The following TRIM11 variants were observed in gnomAD, a reference collection of about 807,000 sequenced individuals.
TRIM11 encodes tripartite motif containing 11.
A neutral mutation model predicts 33.4 loss-of-function variants in TRIM11; 15 were observed. The observed-to-expected ratio is 0.45, with a 90% confidence interval of 0.30 to 0.69. The LOEUF (loss-of-function observed/expected upper bound fraction) is 0.69. Among genes scored for constraint, TRIM11 ranks in the 30% least tolerant of loss-of-function variants. The pLI, the probability that TRIM11 is intolerant of heterozygous loss-of-function variation, is 0.08. For synonymous variants in TRIM11, 281 were observed against 302.6 expected (o/e 0.93, Z 0.74); for missense variants, 499 against 667.6 (o/e 0.75, Z 2.78).
At position 228,406,130 on chromosome 1, in the gene TRIM11, C is replaced by T. The variant is rs1656406416; in HGVS notation, c.408+24G>A. The T allele has an allele frequency of 5.9e-6, 8 of 1,355,214 alleles. No individual in the cohort carries two copies. The highest frequency in any genetic ancestry group is 7.5e-6 in the Non-Finnish European group (8 of 1,059,980). 83.9% of individuals were successfully genotyped at this position (1,355,214 alleles called of 1,614,324 possible). A position where few individuals can be genotyped will look rare whatever the true frequency, so the allele number is the denominator to read the frequency against. ...AGTCCCCGGCTCCCCGACGCCCCTG[C>T]ACGCCACCCCCGCCCAGGAGCACCT... is the stretch of plus-strand genomic sequence containing the variant. On this transcript the variant is annotated intron_variant, in intron 1 of 5. Coordinates refer to ENST00000284551, the MANE Select transcript of TRIM11 (RefSeq NM_145214.3). This position sits in a 1 kb window ranked among gnomAD's most constrained non-coding sequence, Gnocchi z 8.2.
At chr1:228,405,216 C>T (rs1241493720) in intron 1 of TRIM11, 1 of 152,378 alleles carries the variant, frequency 6.6e-6, no homozygotes, top group Admixed American at 6.5e-5. Flanking sequence ...TCTAAACCAC[C>T]TTTCTGCTAA....
chr1:228,406,022 T>C lies in TRIM11; in HGVS notation c.408+132A>G. On this transcript the variant is annotated intron_variant, in intron 1 of 5. Coordinates refer to ENST00000284551, the MANE Select transcript of TRIM11 (RefSeq NM_145214.3). The surrounding 1 kb of genome is among the most constrained non-coding windows in gnomAD (Gnocchi z 8.2). ...CCCCCCTCACAGGCCCACAGCAGGC[T>C]GCATCCTGAGCTCCCCGCCCTAGAC... The C allele has an allele frequency of 9.3e-7, 1 of 1,070,328 alleles. No individual in the cohort carries two copies. Among genetic ancestry groups the C allele is most frequent in the South Asian group, 2.7e-5 (1 of 37,018 alleles). 66.3% of individuals were successfully genotyped at this position (1,070,328 alleles called of 1,614,324 possible).
rs756897712 is a variant in TRIM11 at position 228,400,693 on chromosome 1, T to C, written c.735+271A>G. Among the ~76,000 whole-genome samples, 3 of 152,180 alleles carry C rather than the reference T, an allele frequency of 2.0e-5. No homozygotes were observed. The highest frequency in any genetic ancestry group is 2.1e-4 in the South Asian group (1 of 4,834). ...CAGTCAGGACGAGATGGAGTGACCT[T>C]ATGTAATCACTTAAGAAACATCAAC... On this transcript the variant is annotated intron_variant, in intron 3 of 5. Coordinates refer to ENST00000284551, the MANE Select transcript of TRIM11 (RefSeq NM_145214.3). This position sits in a 1 kb window ranked among gnomAD's most constrained non-coding sequence, Gnocchi z 4.5.
At position 228,402,532 on chromosome 1, in the gene TRIM11, T is replaced by A. The variant is rs60712895; in HGVS notation, c.409-371A>T. The A allele has an allele frequency of 2.3e-5, 4 of 172,158 alleles. No homozygotes were observed. The East Asian group carries it at 7.1e-4, about 31-fold the overall frequency. The allele number at this position is 172,158 out of a possible 1,614,324, so 10.7% of individuals were successfully genotyped here. On this transcript the variant is annotated intron_variant, in intron 1 of 5. Transcript: ENST00000284551. Reference sequence around the variant, plus strand: ...CTGAGCTCTCCTGTTCCCAAGCCAGTGTCTACTCCTCCTCCTCTTCCTTCT... The same window carrying A: ...CTGAGCTCTCCTGTTCCCAAGCCAGAGTCTACTCCTCCTCCTCTTCCTTCT...
rs1322292118 is a variant in TRIM11, at chr1:228,401,159, A to T, written c.540T>A (p.Gly180=). 1 of 1,613,266 alleles carries T rather than the reference A, an allele frequency of 6.2e-7. No homozygotes were observed. The change falls in exon 3 of 6, where the codon GGT becomes GGA. Residue 180 remains glycine, a synonymous_variant. Coordinates refer to ENST00000284551, the MANE Select transcript of TRIM11 (RefSeq NM_145214.3). This position sits in a 1 kb window ranked among gnomAD's most constrained non-coding sequence, Gnocchi z 6.1. ...GCAAACGGCGAAGACGCTCGAACTC[A>T]CCCAGCACGTTCTGCCGCTGGCTCT... ...MVESQRQNVL[G]EFERLRRLLA... is the part of the protein sequence containing the mutation.
chr1:228,397,947 G>A (rs1207254090), intron 3 of TRIM11, among the ~76,000 whole-genome samples: 2 of 152,162 alleles, frequency 1.3e-5, no homozygotes, highest in East Asian at 1.9e-4. Context: ...AGGCCTCAGG[G>A]GGAACCAGCT....
Position 228,401,040 on chromosome 1 carries a change from T to C in TRIM11, c.659A>G (p.Gln220Arg). Residue 220 changes from glutamine (Q) to arginine (R), a missense_variant, in exon 3 of 6, where the codon CAG becomes CGG. Gln to Arg is a conservative substitution (Grantham distance 43, BLOSUM62 1). Coordinates refer to ENST00000284551, the MANE Select transcript of TRIM11 (RefSeq NM_145214.3). The surrounding 1 kb of genome is among the most constrained non-coding windows in gnomAD (Gnocchi z 6.1). ...RLREGAAHLG[Q>R]QSAHLAELIA... ...GAGCTCAGCTAGGTGGGCGCTCTGC[T>C]GGCCTAGGTGGGCTGCGCCCTCCCG... The C allele has an allele frequency of 6.2e-7, 1 of 1,611,868 alleles. No individual in the cohort carries two copies.
intron 1 of TRIM11, 99 bp from the exon 2 acceptor site, chr1:228,402,260 G>T: frequency 1.2e-6 from 1 of 835,092 alleles, no homozygotes; most frequent in Non-Finnish European, 1.8e-6. Flanking sequence ...AGACAATGGG[G>T]ACAAACTGAA....
chr1:228,394,789 G>T lies in TRIM11; in HGVS notation c.1323C>A (p.Leu441=), dbSNP rs750893271. The change falls in exon 6 of 6, where the codon CTC becomes CTA. Residue 441 remains leucine (L), a synonymous_variant. Coordinates refer to ENST00000284551, the MANE Select transcript of TRIM11 (RefSeq NM_145214.3). This position sits in a 1 kb window ranked among gnomAD's most constrained non-coding sequence, Gnocchi z 6.2. ...EIPFSGTLRP[L]FSPLSSSPTP... is the part of the protein sequence containing the mutation. Reference sequence around the variant, plus strand: ...TCGGGCTGCTGGACAGGGGTGAGAAGAGGGGCCGCAGCGTCCCCGAGAAGG... The same window carrying T: ...TCGGGCTGCTGGACAGGGGTGAGAATAGGGGCCGCAGCGTCCCCGAGAAGG... 1.9e-6 allele frequency: 3 copies of T among 1,614,086 alleles called. No homozygotes were observed. Among genetic ancestry groups the T allele is most frequent in the Non-Finnish European group, 2.5e-6 (3 of 1,179,984 alleles).
chr1:228,406,024 C>CA lies in TRIM11; in HGVS notation c.408+129dup, dbSNP rs1558449747. 2 of 1,089,922 alleles carry CA rather than the reference C, an allele frequency of 1.8e-6. No homozygotes were observed. The allele number at this position is 1,089,922 out of a possible 1,614,324, so 67.5% of individuals were successfully genotyped here. A position where few individuals can be genotyped will look rare whatever the true frequency, so the allele number is the denominator to read the frequency against. On this transcript the variant is annotated intron_variant, in intron 1 of 5. Coordinates refer to ENST00000284551, the MANE Select transcript of TRIM11 (RefSeq NM_145214.3). This position sits in a 1 kb window ranked among gnomAD's most constrained non-coding sequence, Gnocchi z 8.2. The stretch of plus-strand genomic sequence containing the variant: ...CCCCTCACAGGCCCACAGCAGGCTG[C>CA]ATCCTGAGCTCCCCGCCCTAGACAG...
chr1:228,402,943 T>C (rs908802862), intron 1 of TRIM11: 23 of 152,140 alleles, frequency 1.5e-4, no homozygotes, highest in African/African-American at 5.6e-4. Context: ...CGGACAGACA[T>C]GCCTGGCTAC....
rs371709398 is a variant in TRIM11 at position 228,401,156 on chromosome 1, C to A, written c.543G>T (p.Glu181Asp). ...CCAGCAAACGGCGAAGACGCTCGAA[C>A]TCACCCAGCACGTTCTGCCGCTGGC... ...VESQRQNVLG[E>D]FERLRRLLAE... Residue 181 changes from glutamate to aspartate, a missense_variant, in exon 3 of 6, where the codon GAG becomes GAT. Glu to Asp is a conservative substitution (Grantham distance 45). Coordinates refer to ENST00000284551, the MANE Select transcript of TRIM11 (RefSeq NM_145214.3). This position sits in a 1 kb window ranked among gnomAD's most constrained non-coding sequence, Gnocchi z 6.1. 6.2e-7 allele frequency: 1 copy of A among 1,613,462 alleles called. No homozygotes were observed. Among genetic ancestry groups the A allele is most frequent in the Non-Finnish European group, 8.5e-7 (1 of 1,179,924 alleles).
intron 1 of TRIM11, chr1:228,402,691 G>A (rs1402555106): frequency 6.6e-6 from 1 of 152,640 alleles, no homozygotes; most frequent in African/African-American, 2.4e-5. Context: ...GGGGCTTTGG[G>A]AGGTGACTAG....
rs774220644 is a variant in TRIM11 at position 228,401,226 on chromosome 1, C to T, written c.505-32G>A. ...AGCCCAGGGAGAAGGACAGCTGAGG[C>T]CAGACCCCAGGCCCAGCCAGACCCC... On this transcript the variant is annotated intron_variant, in intron 2 of 5. Coordinates refer to ENST00000284551, the MANE Select transcript of TRIM11 (RefSeq NM_145214.3). The surrounding 1 kb of genome is among the most constrained non-coding windows in gnomAD (Gnocchi z 6.1). 32 of 1,599,782 alleles carry T rather than the reference C, an allele frequency of 2.0e-5. No homozygotes were observed. The South Asian group carries it at 3.5e-4, about 17-fold the overall frequency.
chr1:228,400,896 T>C lies in TRIM11; in HGVS notation c.735+68A>G. On this transcript the variant is annotated intron_variant, in intron 3 of 5. Transcript: ENST00000284551. The surrounding 1 kb of genome is among the most constrained non-coding windows in gnomAD (Gnocchi z 4.5). ...TGCCCCTGCTTCTTGCACTTTCTGG[T>C]TCTCCCTCCCCCAGTGTGGCCAGGC... 1 of 1,439,500 alleles carries C rather than the reference T, an allele frequency of 6.9e-7. No homozygotes were observed. The highest frequency in any genetic ancestry group is 9.1e-7 in the Non-Finnish European group (1 of 1,099,424). The allele number at this position is 1,439,500 out of a possible 1,614,324, so 89.2% of individuals were successfully genotyped here. A position where few individuals can be genotyped will look rare whatever the true frequency, so the allele number is the denominator to read the frequency against.
At chr1:228,402,368 C>T in intron 1 of TRIM11, 1 of 482,322 alleles carries the variant, frequency 2.1e-6, no homozygotes, top group Non-Finnish European at 3.7e-6. Flanking sequence ...GCCCCAGCCA[C>T]ATTCTTTCCT....
rs1251446702 is a variant in TRIM11 at position 228,406,814 on chromosome 1, C to G, written c.-253G>C. The G allele has an allele frequency of 3.1e-5, 6 of 195,688 alleles. No homozygotes were observed. The highest frequency in any genetic ancestry group is 8.6e-5 in the African/African-American group (3 of 34,720). 12.1% of individuals were successfully genotyped at this position (195,688 alleles called of 1,614,324 possible). On this transcript the variant is annotated 5_prime_UTR_variant, in exon 1 of 6. Transcript: ENST00000284551. This position sits in a 1 kb window ranked among gnomAD's most constrained non-coding sequence, Gnocchi z 8.2. ...CGCGGGACGTAGGGATCCCGGATGC[C>G]GGCAGGAAGAGGAGCCGAGGCGGAA...
intron 3 of TRIM11, among the ~76,000 whole-genome samples, chr1:228,399,010 G>C (rs1452635616): frequency 3.3e-5 from 5 of 152,110 alleles, no homozygotes; most frequent in East Asian, 3.9e-4. Flanking sequence ...CCTGCTGAAG[G>C]GGGCAGCCAG....
At chr1:228,399,109 A>AC (rs1442461874) in intron 3 of TRIM11, among the ~76,000 whole-genome samples, 7 of 151,894 alleles carry the variant, frequency 4.6e-5, no homozygotes, top group African/African-American at 1.7e-4. Context: ...TCAAGCCTTT[A>AC]CCTCCACTGT....
Sources: allele counts gnomAD v4.1 joint callset (sites outside exome capture counted in the v4.1 genomes callset), GRCh38; gene constraint gnomAD v4.1.1; non-coding constraint Gnocchi (gnomAD v3.1); transcripts MANE v1.5; gene names NCBI Gene and HGNC (gene_info 2026-07-23, HGNC 2026-07-21).